The following COMMD1 variants were observed in gnomAD, a reference collection of about 807,000 sequenced individuals.
COMMD1 encodes the protein copper metabolism domain containing 1.
Under a neutral mutation model 17.2 loss-of-function variants are expected in COMMD1, and 10 were observed. The ratio of observed to expected loss-of-function variants is 0.58; its 90% CI spans 0.36 to 0.99. COMMD1 has a LOEUF of 0.99. Among genes scored for constraint, COMMD1 ranks in the 50% least tolerant of loss-of-function variants. The pLI is 0.01. For missense variants in COMMD1, 270 were observed against 231.8 expected, an observed-to-expected ratio of 1.17 and a Z score of -1.07; for synonymous variants, 97 against 91.6, an observed-to-expected ratio of 1.06 and a Z score of -0.34.
chr2:62,086,998 A>T (rs1445128189), intron 2 of COMMD1, among the ~76,000 whole-genome samples: 2 of 151,768 alleles, frequency 1.3e-5, no homozygotes, highest in African/African-American at 4.8e-5. Flanking sequence ...TAATTTTTGT[A>T]TTTTTAGTAG....
intron 2 of COMMD1, among the ~76,000 whole-genome samples, chr2:62,123,413 G>A (rs1218543168): frequency 6.6e-6 from 1 of 150,866 alleles, no homozygotes; most frequent in Non-Finnish European, 1.5e-5. Context: ...GCTGAGGCAG[G>A]AGAATTGCTG....
chr2:62,016,206 CTTTTTTT>C (rs769583167), intron 2 of COMMD1, among the ~76,000 whole-genome samples: 5 of 112,262 alleles, frequency 4.5e-5, no homozygotes, highest in Non-Finnish European at 9.2e-5. Context: ...CTTTTCTTTT[CTTTTTTT>C]TTTTTTTTTT....
intron 2 of COMMD1, among the ~76,000 whole-genome samples, chr2:62,085,378 C>A (rs563326151): frequency 6.6e-6 from 1 of 151,986 alleles, no homozygotes; most frequent in Non-Finnish European, 1.5e-5. Context: ...CCGCCACACC[C>A]GGCTAATTTT....
At chr2:61,978,859 T>A (rs141067369) in intron 1 of COMMD1, among the ~76,000 whole-genome samples, 462 of 152,300 alleles carry the variant, frequency 3.0e-3, no homozygotes, top group African/African-American at 0.01. Context: ...TATAATTTTT[T>A]AAAATGTGGA....
intron 2 of COMMD1, among the ~76,000 whole-genome samples, chr2:62,007,325 T>G (rs1280534782): frequency 3.3e-5 from 5 of 152,188 alleles, no homozygotes; most frequent in Admixed American, 3.3e-4. Context: ...GGATATTCAC[T>G]GACCATACAT....
intron 2 of COMMD1, among the ~76,000 whole-genome samples, chr2:62,123,043 A>C (rs1211742948): frequency 6.6e-6 from 1 of 152,188 alleles, no homozygotes; most frequent in Admixed American, 6.5e-5. Context: ...GATGTCTAGC[A>C]GCCTTGGTAA....
intron 2 of COMMD1, among the ~76,000 whole-genome samples, chr2:62,057,937 A>AT (rs995617467): frequency 1.3e-5 from 2 of 151,782 alleles, no homozygotes; most frequent in African/African-American, 4.8e-5. Flanking sequence ...TTTTATTTTT[A>AT]TTTTTTTTCC....
intron 2 of COMMD1, among the ~76,000 whole-genome samples, chr2:62,085,876 G>T (rs1558592659): frequency 6.6e-6 from 1 of 152,194 alleles, no homozygotes; most frequent in East Asian, 2.0e-4. Flanking sequence ...TACTCAGGAC[G>T]CTGAGGCAGG....
chr2:62,033,970 G>C (rs1260670846), intron 2 of COMMD1, among the ~76,000 whole-genome samples: 1 of 151,534 alleles, frequency 6.6e-6, no homozygotes, highest in Non-Finnish European at 1.5e-5. Context: ...AAATAGCCAG[G>C]CTGGTGGTGT....
intron 2 of COMMD1, among the ~76,000 whole-genome samples, chr2:62,022,448 CTTT>C (rs747830662): frequency 3.5e-5 from 3 of 84,948 alleles, no homozygotes; most frequent in Admixed American, 1.2e-4. Context: ...ACCGGCGCTT[CTTT>C]TTTTTTTTTT....
At chr2:62,099,525 C>T (rs1672114080) in intron 2 of COMMD1, among the ~76,000 whole-genome samples, 1 of 152,018 alleles carries the variant, frequency 6.6e-6, no homozygotes, top group Non-Finnish European at 1.5e-5. Context: ...CTGGGGACCG[C>T]TCTCCTTGCC....
chr2:62,129,740 T>C (rs756677328), intron 2 of COMMD1, among the ~76,000 whole-genome samples: 10 of 152,194 alleles, frequency 6.6e-5, no homozygotes, highest in Non-Finnish European at 1.5e-4. Context: ...CTCTTCCTCT[T>C]TCTCTCTTTC....
At chr2:62,133,877 C>T (rs12713454) in intron 2 of COMMD1, among the ~76,000 whole-genome samples, 40,638 of 151,968 alleles carry the variant, frequency 0.27, 5,653 homozygotes, top group Admixed American at 0.32. Context: ...AGGCTCACTC[C>T]ACCTCTTGGG....
chr2:61,896,132 AGG>A (rs1327479977), intron 1 of COMMD1, among the ~76,000 whole-genome samples: 5 of 152,262 alleles, frequency 3.3e-5, no homozygotes, highest in African/African-American at 1.2e-4. Context: ...ACAAAGACTC[AGG>A]TAAACATGAC....
At chr2:62,113,285 G>A (rs1316281743) in intron 2 of COMMD1, among the ~76,000 whole-genome samples, 1 of 152,116 alleles carries the variant, frequency 6.6e-6, no homozygotes, top group Non-Finnish European at 1.5e-5. Context: ...CCAGGAGATC[G>A]AGGTTATGAT....
At chr2:62,075,042 A>G (rs894064447) in intron 2 of COMMD1, among the ~76,000 whole-genome samples, 1 of 151,816 alleles carries the variant, frequency 6.6e-6, no homozygotes, top group African/African-American at 2.4e-5. Flanking sequence ...GGTGCACGCC[A>G]CCACACCCAG....
chr2:61,953,041 G>A (rs1303507641), intron 1 of COMMD1, among the ~76,000 whole-genome samples: 1 of 152,242 alleles, frequency 6.6e-6, no homozygotes, highest in East Asian at 1.9e-4. Context: ...ACGGAGTCTT[G>A]TTGTGTTGCC....
intron 2 of COMMD1, among the ~76,000 whole-genome samples, chr2:62,057,275 C>G (rs778320872): frequency 6.6e-6 from 1 of 152,176 alleles, no homozygotes; most frequent in Non-Finnish European, 1.5e-5. Flanking sequence ...TTGGGGACCA[C>G]TGACCTGGAT....
intron 1 of COMMD1, among the ~76,000 whole-genome samples, chr2:61,908,495 G>A (rs1669827442): frequency 6.6e-6 from 1 of 152,076 alleles, no homozygotes; most frequent in Non-Finnish European, 1.5e-5. Flanking sequence ...AAAGTGCTGG[G>A]ATTACAGGCG....
Sources: gnomAD v4.1 joint callset for allele counts (sites outside exome capture counted in the v4.1 genomes callset) on GRCh38, gnomAD v4.1.1 for gene constraint, MANE v1.5 for transcripts, NCBI Gene and HGNC (gene_info 2026-07-23, HGNC 2026-07-21) for gene names.